The following TSNARE1 variants were observed in gnomAD, a reference collection of about 807,000 sequenced individuals.
The protein encoded by TSNARE1 is t-SNARE domain-containing protein 1.
A neutral mutation model predicts 62.0 loss-of-function variants in TSNARE1; 49 were observed. The observed-to-expected ratio is 0.79, with a 90% CI of 0.63 to 1.00. TSNARE1 has a LOEUF of 1.00. Among genes scored for constraint, TSNARE1 ranks in the 50% least tolerant of loss-of-function variants. TSNARE1 has a pLI of 0.00. For missense variants in TSNARE1, 755 were observed against 700.1 expected, an observed-to-expected ratio of 1.08 and a Z score of -0.88; for synonymous variants, 328 against 294.4, an observed-to-expected ratio of 1.11 and a Z score of -1.17.
intron 1 of TSNARE1, among the ~76,000 whole-genome samples, chr8:142,369,521 G>A (rs1254217030): frequency 6.6e-6 from 1 of 152,244 alleles, no homozygotes; most frequent in Admixed American, 6.5e-5. Context: ...GAGCCAGACT[G>A]AGGAGAGGTC....
At chr8:142,352,460 G>A (rs892804035) in intron 2 of TSNARE1, among the ~76,000 whole-genome samples, 8 of 152,240 alleles carry the variant, frequency 5.3e-5, no homozygotes, top group Non-Finnish European at 7.3e-5. Context: ...GCCCAGGAAC[G>A]CCACGCCCCG....
At position 142,343,779 on chromosome 8, in the gene TSNARE1, A is replaced by AGGAGGAGGAGGAGGG. The variant is rs1832928990; in HGVS notation, c.745+186_745+187insCCCTCCTCCTCCTCC. On this transcript the variant is annotated intron_variant, in intron 4 of 13. Transcript: ENST00000524325. Reference sequence around the variant, plus strand: ...GGGGGGAGGAGGGGAGAAGAGGAGGAGGAGGAGGAGGAGGAGGGGGAGGAG... The same window carrying AGGAGGAGGAGGAGGG: ...GGGGGGAGGAGGGGAGAAGAGGAGGAGGAGGAGGAGGAGGGGGAGGAGGAGGAGGAGGGGGAGGAG... Among the ~76,000 whole-genome samples, 14 of 49,256 alleles carry AGGAGGAGGAGGAGGG rather than the reference A, an allele frequency of 2.8e-4. No homozygotes were observed. The African/African-American group carries it at 2.9e-3, about 10-fold the overall frequency. 32.3% of individuals were successfully genotyped at this position (49,256 alleles called of 152,430 possible).
At chr8:142,222,004 T>TTCAC (rs200765719) in intron 13 of TSNARE1, among the ~76,000 whole-genome samples, 2 of 45,030 alleles carry the variant, frequency 4.4e-5, no homozygotes, top group African/African-American at 1.6e-4. Context: ...CACTCACTGA[T>TTCAC]TCACTCACTC....
At chr8:142,221,354 G>A (rs1816201959) in intron 13 of TSNARE1, among the ~76,000 whole-genome samples, 2 of 152,228 alleles carry the variant, frequency 1.3e-5, no homozygotes, top group Non-Finnish European at 2.9e-5. Flanking sequence ...CAAAGGCCAT[G>A]CCAGGAAGCA....
Position 142,345,895 on chromosome 8 carries a change from A to C in TSNARE1, c.89-3T>G. 2 of 1,612,688 alleles carry C rather than the reference A, an allele frequency of 1.2e-6. No individual in the cohort carries two copies. The highest frequency in any genetic ancestry group is 1.7e-6 in the Non-Finnish European group (2 of 1,179,266). On this transcript the variant is annotated splice_region_variant and splice_polypyrimidine_tract_variant and intron_variant, in intron 2 of 13. Coordinates refer to ENST00000524325, the MANE Select transcript of TSNARE1 (RefSeq NM_145003.5). ...CTCGGTCCAACATCTAGCGCACTCT[A>C]CGGACAGCAAGGGACAGTCACGATT...
chr8:142,272,838 A>T (rs776120354), intron 12 of TSNARE1: 2 of 983,610 alleles, frequency 2.0e-6, no homozygotes, highest in Non-Finnish European at 2.4e-6. Flanking sequence ...GGAACAGGAC[A>T]TTCTATGCAG....
intron 11 of TSNARE1, chr8:142,277,691 A>G: frequency 2.0e-6 from 2 of 985,452 alleles, no homozygotes; most frequent in Non-Finnish European, 2.4e-6. Context: ...AGCAGCTCAC[A>G]GGCACCAAAG....
intron 10 of TSNARE1, among the ~76,000 whole-genome samples, chr8:142,299,176 T>A (rs909598005): frequency 3.9e-5 from 6 of 151,958 alleles, no homozygotes; most frequent in Admixed American, 6.5e-5. Flanking sequence ...CAGGTCAAAG[T>A]AGGGGGTTGC....
chr8:142,277,764 C>G, intron 11 of TSNARE1: 3 of 985,390 alleles, frequency 3.0e-6, no homozygotes, highest in Non-Finnish European at 3.6e-6. Context: ...CACCAGGGGT[C>G]ACAGAAGTCG....
intron 1 of TSNARE1, among the ~76,000 whole-genome samples, chr8:142,356,019 G>T (rs767747003): frequency 6.6e-6 from 1 of 152,176 alleles, no homozygotes; most frequent in African/African-American, 2.4e-5. Flanking sequence ...AAACTCAAAC[G>T]GAGGCTTCTG....
At position 142,272,656 on chromosome 8, in the gene TSNARE1, C is replaced by T. The variant is rs543749596; in HGVS notation, c.1446+2125G>A. On this transcript the variant is annotated intron_variant, in intron 12 of 13. Transcript: ENST00000524325. ...TCCACCCGCCCATCTAGAGGCCCCT[C>T]GCAAGCGGGAGCAGGACATTCTATG... The T allele has an allele frequency of 4.4e-4, 437 of 984,088 alleles. 10 individuals are homozygous for T. The highest frequency in any genetic ancestry group is 5.1e-4 in the Non-Finnish European group (420 of 829,646). The allele number at this position is 984,088 out of a possible 1,614,324, so 61.0% of individuals were successfully genotyped here. A position where few individuals can be genotyped will look rare whatever the true frequency, so the allele number is the denominator to read the frequency against.
In TSNARE1 at chr8:142,287,951, G is replaced by A. The variant is rs568598957; in HGVS notation, c.1291-3466C>T. Among the ~76,000 whole-genome samples, 12 of 152,356 alleles carry A rather than the reference G, an allele frequency of 7.9e-5. No homozygotes were observed. In the South Asian group the frequency reaches 1.7e-3, roughly 21 times the overall value. On this transcript the variant is annotated intron_variant, in intron 10 of 13. Transcript: ENST00000524325. ...GGACCTCGGTCAGATCTCGGGGATCGTGGGGCTCCCTTCAGGACGTCCCGT... is the reference window on the plus strand; with the variant it reads ...GGACCTCGGTCAGATCTCGGGGATCATGGGGCTCCCTTCAGGACGTCCCGT...
At chr8:142,388,501 T>TAA (rs34348082) in intron 1 of TSNARE1, among the ~76,000 whole-genome samples, 18 of 68,832 alleles carry the variant, frequency 2.6e-4, no homozygotes, top group Admixed American at 5.0e-4. Context: ...GATAATGAAC[T>TAA]AAAAAAAAAA....
chr8:142,245,189 A>G (rs1783220495), intron 12 of TSNARE1, among the ~76,000 whole-genome samples: 1 of 152,258 alleles, frequency 6.6e-6, no homozygotes, highest in Admixed American at 6.5e-5. Flanking sequence ...AATACAAGAT[A>G]GCCAGTGAGC....
intron 12 of TSNARE1, among the ~76,000 whole-genome samples, chr8:142,258,365 C>T (rs962652468): frequency 2.0e-5 from 3 of 152,212 alleles, no homozygotes; most frequent in South Asian, 4.1e-4. Context: ...TGCACACCTA[C>T]GCTGTAGGTG....
chr8:142,351,082 G>A (rs1834039846), intron 2 of TSNARE1, among the ~76,000 whole-genome samples: 1 of 152,164 alleles, frequency 6.6e-6, no homozygotes, highest in African/African-American at 2.4e-5. Flanking sequence ...CAGATGAGAT[G>A]ATCTGCTATC....
chr8:142,295,496 A>C (rs28396985), intron 10 of TSNARE1, among the ~76,000 whole-genome samples: 1 of 152,136 alleles, frequency 6.6e-6, no homozygotes, highest in Non-Finnish European at 1.5e-5. Flanking sequence ...GGAGAGTCCC[A>C]GCACCATGGA....
At chr8:142,243,249 G>A (rs961714688) in intron 12 of TSNARE1, among the ~76,000 whole-genome samples, 1 of 152,116 alleles carries the variant, frequency 6.6e-6, no homozygotes, top group East Asian at 1.9e-4. Context: ...CCCACTACTC[G>A]GTATACATCC....
intron 13 of TSNARE1, among the ~76,000 whole-genome samples, chr8:142,224,840 C>G (rs1390645909): frequency 6.6e-6 from 1 of 152,146 alleles, no homozygotes; most frequent in African/African-American, 2.4e-5. Context: ...CTTGGTGGGT[C>G]TGGGCAGAGC....
Sources: allele counts gnomAD v4.1 joint callset (sites outside exome capture counted in the v4.1 genomes callset), GRCh38; gene constraint gnomAD v4.1.1; transcripts MANE v1.5; gene names NCBI Gene and HGNC (gene_info 2026-07-23, HGNC 2026-07-21).